MCHR2: variants seen among roughly 807,000 people sequenced by gnomAD.
The protein encoded by MCHR2 is melanin-concentrating hormone receptor 2.
Under a neutral mutation model 24.8 loss-of-function variants are expected in MCHR2, and 15 were observed. The observed-to-expected ratio is 0.60, with a 90% CI of 0.40 to 0.93. MCHR2 has a LOEUF of 0.93. Among genes scored for constraint, MCHR2 ranks in the 40% least tolerant of loss-of-function variants. The pLI, the probability that MCHR2 is intolerant of heterozygous loss-of-function variation, is 0.00. For synonymous variants in MCHR2, 151 were observed against 147.6 expected, an observed-to-expected ratio of 1.02 and a Z score of -0.17; for missense variants, 386 against 408.7, an observed-to-expected ratio of 0.94 and a Z score of 0.48.
intron 3 of MCHR2, among the ~76,000 whole-genome samples, chr6:99,943,777 T>G (rs1774824337): frequency 6.6e-6 from 1 of 152,192 alleles, no homozygotes; most frequent in East Asian, 1.9e-4. Flanking sequence ...ACATTGATAA[T>G]GGTAAAATTC....
intron 1 of MCHR2, among the ~76,000 whole-genome samples, chr6:99,974,899 A>G (rs946727147): frequency 6.6e-6 from 1 of 152,180 alleles, no homozygotes; most frequent in African/African-American, 2.4e-5. Context: ...ATCTTGGTGA[A>G]CCGCAAATGC....
chr6:99,944,971 C>T (rs1474449147), intron 3 of MCHR2, among the ~76,000 whole-genome samples: 1 of 152,144 alleles, frequency 6.6e-6, no homozygotes, highest in East Asian at 1.9e-4. Flanking sequence ...GCCTCTGCTT[C>T]TTCTTGCTCT....
intron 1 of MCHR2, among the ~76,000 whole-genome samples, chr6:99,991,155 G>T (rs1476174522): frequency 6.6e-6 from 1 of 151,880 alleles, no homozygotes; most frequent in East Asian, 1.9e-4. Context: ...AAAGAGTGGG[G>T]AAAAGAGGGG....
intron 1 of MCHR2, among the ~76,000 whole-genome samples, chr6:99,978,869 T>A (rs1256038272): frequency 6.6e-6 from 1 of 152,146 alleles, no homozygotes; most frequent in East Asian, 1.9e-4. Flanking sequence ...TAGTGGGCTT[T>A]TAATTAGATG....
At chr6:99,965,218 ACT>A (rs2114557124) in intron 1 of MCHR2, among the ~76,000 whole-genome samples, 1 of 151,818 alleles carries the variant, frequency 6.6e-6, no homozygotes, top group East Asian at 1.9e-4. Context: ...CAATAATCTA[ACT>A]CTCTGTTCTC....
intron 1 of MCHR2, among the ~76,000 whole-genome samples, chr6:99,959,498 A>G (rs193208074): frequency 1.3e-5 from 2 of 151,756 alleles, no homozygotes; most frequent in African/African-American, 4.8e-5. Flanking sequence ...AAATTGCCCA[A>G]TCAAATGAGC....
rs375052117 is a variant in MCHR2 at position 99,920,922 on chromosome 6, G to A, written c.*18C>T. The A allele has an allele frequency of 7.5e-6, 12 of 1,608,428 alleles. No homozygotes were observed. The highest frequency in any genetic ancestry group is 1.7e-5 in the Admixed American group (1 of 59,708). Reference sequence around the variant, plus strand: ...GATAGACAATCATGTCTAGACTCATGGTGATCCATGTACTTTCCTAAAAGT... The same window carrying A: ...GATAGACAATCATGTCTAGACTCATAGTGATCCATGTACTTTCCTAAAAGT... On this transcript the variant is annotated 3_prime_UTR_variant, in exon 6 of 6. Coordinates refer to ENST00000281806, the MANE Select transcript of MCHR2 (RefSeq NM_001040179.2).
intron 1 of MCHR2, among the ~76,000 whole-genome samples, chr6:99,992,220 C>T (rs1775896217): frequency 6.6e-6 from 1 of 152,196 alleles, no homozygotes; most frequent in Non-Finnish European, 1.5e-5. Flanking sequence ...GGATTTAGGA[C>T]CTCTGACTAG....
chr6:99,928,193 G>A (rs905668385), intron 5 of MCHR2, among the ~76,000 whole-genome samples: 2 of 152,190 alleles, frequency 1.3e-5, no homozygotes, highest in Non-Finnish European at 2.9e-5. Context: ...AAGCCCACTT[G>A]ATCATGGTGG....
At chr6:99,941,117 GTT>G (rs959379395) in intron 4 of MCHR2, among the ~76,000 whole-genome samples, 7 of 151,548 alleles carry the variant, frequency 4.6e-5, no homozygotes, top group African/African-American at 1.7e-4. Context: ...CCTTGATCTC[GTT>G]TTTTTCAGTG....
chr6:99,941,117 G>A (rs184710081), intron 4 of MCHR2, among the ~76,000 whole-genome samples: 19 of 151,664 alleles, frequency 1.3e-4, no homozygotes, highest in Non-Finnish European at 1.3e-4. Context: ...CCTTGATCTC[G>A]TTTTTTTCAG....
chr6:99,969,873 C>T (rs1368789253), intron 1 of MCHR2, among the ~76,000 whole-genome samples: 1 of 151,488 alleles, frequency 6.6e-6, no homozygotes, highest in Non-Finnish European at 1.5e-5. Context: ...CATCCATGTC[C>T]CTACAAAGGA....
intron 1 of MCHR2, among the ~76,000 whole-genome samples, chr6:99,966,444 G>T (rs1243034898): frequency 6.6e-6 from 1 of 152,072 alleles, no homozygotes; most frequent in Non-Finnish European, 1.5e-5. Context: ...TTCAAATTGG[G>T]AAACTCACCA....
At chr6:99,921,459 T>A (rs1774229101) in intron 5 of MCHR2, among the ~76,000 whole-genome samples, 2 of 151,118 alleles carry the variant, frequency 1.3e-5, no homozygotes, top group African/African-American at 4.9e-5. Context: ...AAGCTGGAAC[T>A]TTTTTTCGTT....
chr6:99,988,513 C>A (rs1775807711), intron 1 of MCHR2, among the ~76,000 whole-genome samples: 1 of 152,166 alleles, frequency 6.6e-6, no homozygotes, highest in African/African-American at 2.4e-5. Context: ...TGCTCTTTGC[C>A]AAACCAATCA....
chr6:99,986,687 C>A (rs983732988), intron 1 of MCHR2, among the ~76,000 whole-genome samples: 47 of 151,578 alleles, frequency 3.1e-4, no homozygotes, highest in African/African-American at 1.1e-3. Context: ...AGGTGGGAGG[C>A]GGGTGAGGGA....
chr6:99,934,755 G>A (rs1246251244), intron 4 of MCHR2, among the ~76,000 whole-genome samples: 3 of 152,092 alleles, frequency 2.0e-5, no homozygotes, highest in African/African-American at 4.8e-5. Flanking sequence ...ACTCTAATGA[G>A]TGTAGAATAA....
intron 1 of MCHR2, among the ~76,000 whole-genome samples, chr6:99,971,369 A>T (rs989831514): frequency 2.0e-5 from 3 of 151,358 alleles, no homozygotes; most frequent in African/African-American, 7.3e-5. Flanking sequence ...TTTGTCTGTT[A>T]TTGGTGTATA....
intron 4 of MCHR2, among the ~76,000 whole-genome samples, chr6:99,940,454 T>G (rs1175156376): frequency 2.0e-5 from 3 of 152,150 alleles, no homozygotes; most frequent in African/African-American, 7.2e-5. Context: ...AATCTCTTTG[T>G]TAAATTTCTC....
Sources: gnomAD v4.1 joint callset for allele counts (sites outside exome capture counted in the v4.1 genomes callset) on GRCh38, gnomAD v4.1.1 for gene constraint, MANE v1.5 for transcripts, NCBI Gene and HGNC (gene_info 2026-07-23, HGNC 2026-07-21) for gene names.